BCCIP: variants seen among roughly 807,000 people sequenced by gnomAD.
The protein encoded by BCCIP is BRCA2 and CDKN1A interacting protein, also known as BRCA2 and CDKN1A-interacting protein.
Under a neutral mutation model 32.8 loss-of-function variants are expected in BCCIP, and 23 were observed. The ratio of observed to expected loss-of-function variants is 0.70; its 90% CI spans 0.51 to 0.99. The LOEUF (loss-of-function observed/expected upper bound fraction) is 0.99, where lower values mean the gene tolerates loss of function less well. BCCIP is among the 50% of genes least tolerant of loss of function. The pLI is 0.00. For missense variants in BCCIP, 378 were observed against 379.8 expected (o/e 1.00, Z 0.04); for synonymous variants, 144 against 137.6 (o/e 1.05, Z -0.33).
chr10:125,843,477 T>C (rs1293898537), downstream of BCCIP, among the ~76,000 whole-genome samples: 3 of 152,022 alleles, frequency 2.0e-5, no homozygotes, highest in Non-Finnish European at 2.9e-5. Flanking sequence ...CCGGGCGTGG[T>C]GGCAGGCGCC....
In BCCIP at chr10:125,823,606, C is replaced by T. The variant is rs1564814599; in HGVS notation, c.49C>T (p.Pro17Ser). 3 of 1,614,014 alleles carry T rather than the reference C, an allele frequency of 1.9e-6. No homozygotes were observed. The highest frequency in any genetic ancestry group is 2.5e-6 in the Non-Finnish European group (3 of 1,179,944). ...RRAVESGVPQ[P>S]PDPPVQRDEE... ...TGCCGTGGAAAGTGGGGTTCCGCAG[C>T]CGCCGGATCCCCCAGTCCAGCGCGA... Residue 17 changes from proline (P) to serine (S), a missense_variant, in exon 1 of 7, where the codon CCG becomes TCG. By Grantham distance (74) the Pro-to-Ser change is moderately conservative. Coordinates refer to ENST00000278100, the MANE Select transcript of BCCIP (RefSeq NM_078468.3).
chr10:125,833,733 A>T (rs1854578882), intron 5 of BCCIP, 39 bp from the exon 6 acceptor site: 1 of 1,608,382 alleles, frequency 6.2e-7, no homozygotes, highest in South Asian at 1.1e-5. Context: ...ATTTCACTTG[A>T]CCCAGCAGGT....
chr10:125,850,202 C>T (rs971447119), intron 7 of BCCIP, among the ~76,000 whole-genome samples: 2 of 151,552 alleles, frequency 1.3e-5, no homozygotes, highest in African/African-American at 4.9e-5. Flanking sequence ...GTCTTGAATT[C>T]CTGGCCCTCA....
chr10:125,852,867 A>G lies in BCCIP; in HGVS notation c.851-258A>G, dbSNP rs368990177. 1.3e-3 allele frequency among the ~76,000 whole-genome samples: 191 copies of G among 152,362 alleles called. 3 individuals are homozygous for G. The South Asian group carries it at 0.014, about 11-fold the overall frequency. ...GTTGTCTGCTTTCATTGTGGCTTCA[A>G]TAACTATGAGACCTTTGTGTCATCT... On this transcript the variant is annotated intron_variant, in intron 7 of 7. Transcript: ENST00000368759.
At chr10:125,840,793 T>TAATAATAAC, downstream of BCCIP, 1 of 1,514,008 alleles carries the variant, frequency 6.6e-7, no homozygotes, top group African/African-American at 1.4e-5. Flanking sequence ...GGACTCAGAC[T>TAATAATAAC]TATCTAGGGA....
intron 1 of BCCIP, chr10:125,825,606 G>A (rs1339049175): frequency 1.3e-5 from 2 of 152,194 alleles, no homozygotes; most frequent in African/African-American, 4.8e-5. Context: ...AATTAAGGAA[G>A]ACTTAAATAT....
chr10:125,844,990 C>T (rs1943993115), downstream of BCCIP, among the ~76,000 whole-genome samples: 1 of 152,184 alleles, frequency 6.6e-6, no homozygotes, highest in Admixed American at 6.5e-5. Context: ...TGTGGAACCC[C>T]AAATGCCAAG....
At chr10:125,852,315 G>C (rs993927188) in intron 7 of BCCIP, 3 of 1,614,016 alleles carry the variant, frequency 1.9e-6, no homozygotes, top group Non-Finnish European at 2.5e-6. Context: ...TGAAGTCACA[G>C]TGGCCTAGGC....
At chr10:125,836,606 G>A (rs984131005), downstream of BCCIP, 120 of 1,506,592 alleles carry the variant, frequency 8.0e-5, 1 homozygote, top group South Asian at 1.1e-4. Context: ...ATCCGTCTTC[G>A]CGTCATGTAT....
In BCCIP at chr10:125,852,407, T is replaced by C. The variant is rs902561350; in HGVS notation, c.851-718T>C. The C allele has an allele frequency of 6.8e-6, 11 of 1,614,126 alleles. No individual in the cohort carries two copies. Among genetic ancestry groups the C allele is most frequent in the Admixed American group, 1.7e-5 (1 of 60,014 alleles). ...ATTTCTGCTGGCTTCAGTGGCGTCA[T>C]GTCTTTGGAGGCAAATTCTTCAGTG... On this transcript the variant is annotated intron_variant, in intron 7 of 7. Coordinates refer to the BCCIP transcript ENST00000368759.
At chr10:125,852,500 T>C (rs905694382) in intron 7 of BCCIP, 15 of 1,613,362 alleles carry the variant, frequency 9.3e-6, no homozygotes, top group Non-Finnish European at 5.1e-6. Context: ...GTTGCCTGCA[T>C]ACAAGAATTG....
At chr10:125,844,632 T>C (rs1943989583), downstream of BCCIP, among the ~76,000 whole-genome samples, 1 of 152,234 alleles carries the variant, frequency 6.6e-6, no homozygotes, top group Non-Finnish European at 1.5e-5. Flanking sequence ...ATCTCCCCAG[T>C]GTGGCCCATA....
chr10:125,824,791 C>T (rs1183835554), intron 1 of BCCIP, among the ~76,000 whole-genome samples: 1 of 152,256 alleles, frequency 6.6e-6, no homozygotes, highest in Non-Finnish European at 1.5e-5. Context: ...GCTGCATTGG[C>T]TTTCTAGTTC....
rs1854240328 is a variant in BCCIP, at chr10:125,823,627, C to T, written c.70C>T (p.Arg24Cys). Residue 24 changes from arginine (R) to cysteine (C), a missense_variant, in exon 1 of 7, where the codon CGC (arginine) becomes TGC (cysteine). Physicochemically the swap from Arg to Cys is radical, Grantham distance 180 (BLOSUM62 -3). Coordinates refer to ENST00000278100, the MANE Select transcript of BCCIP (RefSeq NM_078468.3). The stretch of plus-strand genomic sequence containing the variant: ...GCAGCCGCCGGATCCCCCAGTCCAG[C>T]GCGACGAGGAAGAGGAAAAAGAAGT... ...VPQPPDPPVQ[R>C]DEEEEKEVEN... is the part of the protein sequence containing the mutation. 6.2e-7 allele frequency: 1 copy of T among 1,613,860 alleles called. No homozygotes were observed. The highest frequency in any genetic ancestry group is 1.3e-5 in the African/African-American group (1 of 74,850).
At chr10:125,847,792 A>C (rs1343049078), downstream of BCCIP, among the ~76,000 whole-genome samples, 1 of 152,170 alleles carries the variant, frequency 6.6e-6, no homozygotes, top group Non-Finnish European at 1.5e-5. Flanking sequence ...GTGACAGATC[A>C]TCAGGCATTA....
exon 8 of BCCIP, chr10:125,853,294 C>T: frequency 1.0e-5 from 11 of 1,058,356 alleles, no homozygotes; most frequent in Non-Finnish European, 1.2e-5. Flanking sequence ...GATAAAACAT[C>T]TCGGCACCTA....
At chr10:125,848,524 C>T (rs991032816) in intron 7 of BCCIP, among the ~76,000 whole-genome samples, 4 of 152,170 alleles carry the variant, frequency 2.6e-5, no homozygotes, top group Admixed American at 1.3e-4. Flanking sequence ...GGCCTTCCAC[C>T]GGCAGTGTTG....
At chr10:125,827,874 G>A (rs1854435125) in intron 3 of BCCIP, among the ~76,000 whole-genome samples, 1 of 150,468 alleles carries the variant, frequency 6.6e-6, no homozygotes, top group Non-Finnish European at 1.5e-5. Context: ...AGGTGGCTGA[G>A]GTAGGAGGAT....
intron 5 of BCCIP, among the ~76,000 whole-genome samples, chr10:125,832,204 A>G (rs1024613965): frequency 6.9e-6 from 1 of 145,026 alleles, no homozygotes; most frequent in East Asian, 2.0e-4. Context: ...TCTAATTTAA[A>G]TTTTTTTTTT....
Sources: allele counts gnomAD v4.1 joint callset (sites outside exome capture counted in the v4.1 genomes callset), GRCh38; gene constraint gnomAD v4.1.1; transcripts MANE v1.5; gene names NCBI Gene and HGNC (gene_info 2026-07-23, HGNC 2026-07-21).